Variants in ZC3HAV1 observed in about 807,000 individuals in gnomAD.
ZC3HAV1 encodes zinc finger CCCH-type antiviral protein 1.
In ZC3HAV1, 41 loss-of-function variants were observed where a neutral mutation model predicts 86.6. That is an observed-to-expected ratio of 0.47 (90% CI 0.37 to 0.61). The LOEUF is 0.61. Among genes scored for constraint, ZC3HAV1 ranks in the 20% least tolerant of loss-of-function variants. The pLI, the probability that ZC3HAV1 is intolerant of heterozygous loss-of-function variation, is 0.00. For missense variants in ZC3HAV1, 964 were observed against 1,141.1 expected (o/e 0.84, Z 2.24); for synonymous variants, 421 against 432.1 (o/e 0.97, Z 0.32).
Position 139,083,971 on chromosome 7 carries a change from G to C in ZC3HAV1, c.506C>G (p.Ser169Ter). 6.2e-7 allele frequency: 1 copy of C among 1,614,136 alleles called. No individual in the cohort carries two copies. The highest frequency in any genetic ancestry group is 8.5e-7 in the Non-Finnish European group (1 of 1,180,022). ...GAAGTGGTCACAGATGTGGAGTCTTGAACACGGTGGCTGCTGGTTACAAAT... is the reference window on the plus strand; with the variant it reads ...GAAGTGGTCACAGATGTGGAGTCTTCAACACGGTGGCTGCTGGTTACAAAT... ...QQICNQQPPC[S>*]RLHICDHFTR... Residue 169 changes from serine (S) to a stop codon, truncating the protein, a stop_gained, in exon 3 of 13, where the codon TCA (serine) becomes TGA (stop). Transcript: ENST00000242351. LOFTEE classifies it high-confidence loss of function.
chr7:139,075,886 T>C (rs1320635478), intron 6 of ZC3HAV1, among the ~76,000 whole-genome samples: 1 of 152,234 alleles, frequency 6.6e-6, no homozygotes, highest in Admixed American at 6.5e-5. Flanking sequence ...ATTATGAAGT[T>C]AAGCCAAAGG....
intron 2 of ZC3HAV1, 132 bp downstream of exon 2, chr7:139,089,492 A>G: frequency 3.3e-6 from 4 of 1,214,180 alleles, no homozygotes; most frequent in African/African-American, 1.6e-5. Context: ...AGTTCACTCA[A>G]TAACAGCCTC....
intron 1 of ZC3HAV1, among the ~76,000 whole-genome samples, chr7:139,101,300 G>A (rs1010020533): frequency 6.7e-6 from 1 of 149,848 alleles, no homozygotes; most frequent in Admixed American, 6.6e-5. Flanking sequence ...CTGCCTGGCC[G>A]CCCATCGTCT....
rs1815878685 is a variant in ZC3HAV1, at chr7:139,043,611, A to C, written c.*3983T>G. ...TATTGAAATACAAATAGTTGAGCTT[A>C]ATTTATTCAACAAAATTTACCCAAT... On this transcript the variant is annotated 3_prime_UTR_variant, in exon 13 of 13. Coordinates refer to ENST00000242351, the MANE Select transcript of ZC3HAV1 (RefSeq NM_020119.4). The C allele has an allele frequency of 2.0e-5, 3 of 152,230 alleles. No individual in the cohort carries two copies. The highest frequency in any genetic ancestry group is 2.0e-4 in the Admixed American group (3 of 15,282). 9.4% of individuals were successfully genotyped at this position (152,230 alleles called of 1,614,324 possible). A position where few individuals can be genotyped will look rare whatever the true frequency, so the allele number is the denominator to read the frequency against.
At chr7:139,090,264 T>G (rs1456609362) in intron 1 of ZC3HAV1, among the ~76,000 whole-genome samples, 2 of 152,138 alleles carry the variant, frequency 1.3e-5, no homozygotes, top group African/African-American at 4.8e-5. Flanking sequence ...AACAGTAATT[T>G]TTCATATCAT....
chr7:139,064,179 C>T (rs891240085), intron 8 of ZC3HAV1, among the ~76,000 whole-genome samples: 2 of 152,232 alleles, frequency 1.3e-5, no homozygotes, highest in East Asian at 3.8e-4. Flanking sequence ...ACTGCAGGTA[C>T]CATCTGCGAA....
intron 7 of ZC3HAV1, among the ~76,000 whole-genome samples, chr7:139,065,706 C>T (rs942340109): frequency 1.3e-5 from 2 of 152,062 alleles, no homozygotes; most frequent in African/African-American, 4.8e-5. Flanking sequence ...GAGATCGAGA[C>T]CATCCTGGCC....
At chr7:139,070,204 C>A (rs975391267) in intron 7 of ZC3HAV1, among the ~76,000 whole-genome samples, 2 of 151,882 alleles carry the variant, frequency 1.3e-5, no homozygotes, top group Non-Finnish European at 2.9e-5. Context: ...ATCCAACAAA[C>A]CTGTGTCACA....
At chr7:139,097,277 T>C (rs1817617633) in intron 1 of ZC3HAV1, among the ~76,000 whole-genome samples, 2 of 149,502 alleles carry the variant, frequency 1.3e-5, no homozygotes, top group African/African-American at 4.9e-5. Context: ...TGCATTTTAG[T>C]AGACTCTCCC....
intron 3 of ZC3HAV1, among the ~76,000 whole-genome samples, chr7:139,080,515 G>A (rs548237282): frequency 7.2e-5 from 11 of 152,112 alleles, no homozygotes; most frequent in South Asian, 2.1e-4. Flanking sequence ...CTGCAAGCTC[G>A]AACTCCTGGG....
At chr7:139,052,879 A>T (rs57714567) in intron 12 of ZC3HAV1, among the ~76,000 whole-genome samples, 7 of 151,588 alleles carry the variant, frequency 4.6e-5, no homozygotes, top group African/African-American at 1.5e-4. Context: ...CAGTGAGCCG[A>T]GATTGTCACC....
At chr7:139,051,405 ATTT>A (rs58931897) in intron 12 of ZC3HAV1, among the ~76,000 whole-genome samples, 2 of 133,070 alleles carry the variant, frequency 1.5e-5, no homozygotes, top group Non-Finnish European at 1.6e-5. Context: ...CAATCATTTA[ATTT>A]TTTTTTTTTT....
At chr7:139,087,006 T>C (rs1817289081) in intron 2 of ZC3HAV1, among the ~76,000 whole-genome samples, 1 of 152,190 alleles carries the variant, frequency 6.6e-6, no homozygotes, top group Non-Finnish European at 1.5e-5. Flanking sequence ...GTCCTTATTC[T>C]CCAGGAACTC....
chr7:139,073,392 T>C (rs954794521), intron 7 of ZC3HAV1, among the ~76,000 whole-genome samples: 1 of 152,072 alleles, frequency 6.6e-6, no homozygotes, highest in Non-Finnish European at 1.5e-5. Context: ...AAATTGAATA[T>C]AGCTGTGTAC....
At position 139,046,941 on chromosome 7, in the gene ZC3HAV1, A is replaced by G. The variant is rs2354335; in HGVS notation, c.*653T>C. On this transcript the variant is annotated 3_prime_UTR_variant, in exon 13 of 13. Transcript: ENST00000242351. ...TAGACAGGAGAGAAAGGTTGCTGCA[A>G]TTACAGAAAATTTAGAAATCAGCCT... is the stretch of plus-strand genomic sequence containing the variant. 0.47 allele frequency: 71,449 copies of G among 152,052 alleles called. 17,012 individuals are homozygous for G. The highest frequency in any genetic ancestry group is 0.5 in the Non-Finnish European group (33,797 of 67,970). 9.4% of individuals were successfully genotyped at this position (152,052 alleles called of 1,614,324 possible). A position where few individuals can be genotyped will look rare whatever the true frequency, so the allele number is the denominator to read the frequency against.
Position 139,083,948 on chromosome 7 carries a change from A to G in ZC3HAV1, c.529T>C (p.Phe177Leu). 6.2e-7 allele frequency: 1 copy of G among 1,614,052 alleles called. No individual in the cohort carries two copies. Among genetic ancestry groups the G allele is most frequent in the African/African-American group, 1.3e-5 (1 of 74,986 alleles). The change falls in exon 3 of 13, where the codon TTC (phenylalanine) becomes CTC (leucine). Residue 177 changes from phenylalanine (F) to leucine (L), a missense_variant. Phe to Leu is a conservative substitution (Grantham distance 22, BLOSUM62 0). Coordinates refer to ENST00000242351, the MANE Select transcript of ZC3HAV1 (RefSeq NM_020119.4). ...PCSRLHICDH[F>L]TRGNCRFPNC... ...GGAAAACGACAGTTCCCTCGGGTGA[A>G]GTGGTCACAGATGTGGAGTCTTGAA... is the stretch of plus-strand genomic sequence containing the variant.
Position 139,109,120 on chromosome 7 carries a change from C to A in ZC3HAV1, c.212G>T (p.Arg71Leu), listed in dbSNP as rs868641095. The A allele has an allele frequency of 1.9e-6, 3 of 1,591,732 alleles. No homozygotes were observed. The highest frequency in any genetic ancestry group is 2.3e-5 in the East Asian group (1 of 43,754). ...TRSVVATTRA[R>L]VCRRKYCQRP... ...CTGGCAGTACTTGCGACGGCAGACC[C>A]GGGCTCGAGTGGTGGCCACCACCGA... Residue 71 changes from arginine (R) to leucine (L), a missense_variant, in exon 1 of 13, where the codon CGG (arginine) becomes CTG (leucine). By Grantham distance (102) the Arg-to-Leu change is moderately radical. Transcript: ENST00000242351.
chr7:139,083,254 G>T (rs906408824), intron 3 of ZC3HAV1, among the ~76,000 whole-genome samples: 2 of 135,214 alleles, frequency 1.5e-5, no homozygotes, highest in East Asian at 2.5e-4. Flanking sequence ...CTGGGGGGGG[G>T]GGCAATAGTG....
intron 6 of ZC3HAV1, among the ~76,000 whole-genome samples, chr7:139,074,680 T>C (rs1816882826): frequency 1.3e-5 from 2 of 151,448 alleles, no homozygotes; most frequent in East Asian, 1.9e-4. Context: ...TATAAATATG[T>C]AAATAAATAC....
Sources: gnomAD v4.1 joint callset for allele counts (sites outside exome capture counted in the v4.1 genomes callset) on GRCh38, gnomAD v4.1.1 for gene constraint, MANE v1.5 for transcripts, NCBI Gene and HGNC (gene_info 2026-07-23, HGNC 2026-07-21) for gene names.